The following SAMD12 variants were observed in gnomAD, a reference collection of about 807,000 sequenced individuals.
SAMD12 encodes the protein sterile alpha motif domain-containing protein 12.
Under a neutral mutation model 15.0 loss-of-function variants are expected in SAMD12, and 9 were observed. The observed-to-expected ratio is 0.60, with a 90% confidence interval of 0.36 to 1.05. The LOEUF (loss-of-function observed/expected upper bound fraction) is 1.05. Ranked by LOEUF, SAMD12 falls within the 50% of genes least tolerant of loss-of-function variation. The pLI, the probability that SAMD12 is intolerant of heterozygous loss-of-function variation, is 0.01. For synonymous variants in SAMD12, 86 were observed against 90.1 expected (o/e 0.96, Z 0.25); for missense variants, 230 against 234.2 (o/e 0.98, Z 0.12).
chr8:118,241,029 C>T (rs576493822), intron 4 of SAMD12, among the ~76,000 whole-genome samples: 1 of 152,290 alleles, frequency 6.6e-6, no homozygotes, highest in Admixed American at 6.5e-5. Flanking sequence ...CAAACAACCA[C>T]CTGACCCCCA....
At chr8:118,273,728 T>C (rs1469089862) in intron 4 of SAMD12, among the ~76,000 whole-genome samples, 2 of 152,118 alleles carry the variant, frequency 1.3e-5, no homozygotes, top group Non-Finnish European at 2.9e-5. Context: ...CCAGTGAACA[T>C]TCTGAACCCC....
intron 2 of SAMD12, among the ~76,000 whole-genome samples, chr8:118,450,285 T>C (rs1823039759): frequency 6.6e-6 from 1 of 152,130 alleles, no homozygotes; most frequent in African/African-American, 2.4e-5. Context: ...AAACAAGACG[T>C]CCTGGCAGCC....
At chr8:118,384,095 A>G (rs1489566263) in intron 3 of SAMD12, among the ~76,000 whole-genome samples, 1 of 152,176 alleles carries the variant, frequency 6.6e-6, no homozygotes, top group Non-Finnish European at 1.5e-5. Context: ...TGAAGGGGTG[A>G]GGCTGGAACC....
chr8:118,320,816 T>G (rs1563761108), intron 4 of SAMD12, among the ~76,000 whole-genome samples: 8 of 146,676 alleles, frequency 5.5e-5, no homozygotes, highest in Non-Finnish European at 1.2e-4. Context: ...TAAAGTATAA[T>G]AAAAATATAT....
intron 4 of SAMD12, among the ~76,000 whole-genome samples, chr8:118,198,117 C>T (rs1412380103): frequency 6.6e-6 from 1 of 152,054 alleles, no homozygotes; most frequent in African/African-American, 2.4e-5. Context: ...TGGTGTGAAG[C>T]ATTTTATTGT....
At chr8:118,611,018 A>T (rs1379980247) in intron 1 of SAMD12, among the ~76,000 whole-genome samples, 1 of 152,230 alleles carries the variant, frequency 6.6e-6, no homozygotes, top group African/African-American at 2.4e-5. Flanking sequence ...GGAAGTAGGA[A>T]TATGGATGTT....
intron 3 of SAMD12, among the ~76,000 whole-genome samples, chr8:118,387,938 T>C (rs1170201800): frequency 2.6e-5 from 4 of 152,112 alleles, no homozygotes; most frequent in African/African-American, 7.2e-5. Flanking sequence ...AACAGATTCA[T>C]AGACTGTATG....
At chr8:118,319,822 T>C (rs1816139502) in intron 4 of SAMD12, among the ~76,000 whole-genome samples, 1 of 152,124 alleles carries the variant, frequency 6.6e-6, no homozygotes, top group South Asian at 2.1e-4. Context: ...TGAGATAATA[T>C]ATAAGTTTAA....
chr8:118,454,461 G>A (rs758735075), intron 2 of SAMD12, among the ~76,000 whole-genome samples: 1 of 152,138 alleles, frequency 6.6e-6, no homozygotes, highest in Non-Finnish European at 1.5e-5. Context: ...GTAGTCAGTA[G>A]TCCCTTTCAA....
At chr8:118,400,360 A>G (rs564302561) in intron 3 of SAMD12, 2 of 152,336 alleles carry the variant, frequency 1.3e-5, no homozygotes, top group South Asian at 4.1e-4. Context: ...CAAATCTAGG[A>G]CCACCAGATT....
intron 3 of SAMD12, among the ~76,000 whole-genome samples, chr8:118,426,115 T>A (rs868298513): frequency 2.0e-5 from 3 of 152,348 alleles, no homozygotes; most frequent in Middle Eastern, 3.4e-3. Context: ...CTTGGCACAG[T>A]GTTTGGCTCA....
At chr8:118,603,482 G>A (rs543830069) in intron 1 of SAMD12, among the ~76,000 whole-genome samples, 3 of 152,216 alleles carry the variant, frequency 2.0e-5, no homozygotes, top group South Asian at 2.1e-4. Flanking sequence ...AAAATTGTGG[G>A]GAAAGATACT....
intron 4 of SAMD12, among the ~76,000 whole-genome samples, chr8:118,352,134 T>A (rs1027980353): frequency 6.6e-6 from 1 of 152,228 alleles, no homozygotes; most frequent in Non-Finnish European, 1.5e-5. Flanking sequence ...CTTAGTATTA[T>A]TAATGTCTGC....
chr8:118,221,798 C>G (rs114275707), intron 4 of SAMD12, among the ~76,000 whole-genome samples: 1 of 152,182 alleles, frequency 6.6e-6, no homozygotes, highest in African/African-American at 2.4e-5. Flanking sequence ...GCTTGCCTTG[C>G]GGCAATTGTC....
At chr8:118,483,357 C>A (rs1824184049) in intron 2 of SAMD12, among the ~76,000 whole-genome samples, 1 of 151,998 alleles carries the variant, frequency 6.6e-6, no homozygotes, top group Non-Finnish European at 1.5e-5. Context: ...ATTTGTACAC[C>A]AAAAAAGACT....
At chr8:118,167,803 T>C in the SAMD12 span, among the ~76,000 whole-genome samples, 3 of 152,264 alleles carry the variant, frequency 2.0e-5, no homozygotes, top group East Asian at 5.8e-4. Flanking sequence ...CACAGTTCTC[T>C]ATGGTGAGCA....
intron 2 of SAMD12, among the ~76,000 whole-genome samples, chr8:118,505,532 C>G (rs891332823): frequency 1.3e-5 from 2 of 152,040 alleles, no homozygotes; most frequent in African/African-American, 4.8e-5. Context: ...TCTCACCCCT[C>G]TCTTCTGACT....
At chr8:118,275,484 A>G (rs1325499559) in intron 4 of SAMD12, among the ~76,000 whole-genome samples, 2 of 152,204 alleles carry the variant, frequency 1.3e-5, no homozygotes, top group Admixed American at 1.3e-4. Context: ...TATCTAAAAT[A>G]ATTTACATGC....
intron 3 of SAMD12, among the ~76,000 whole-genome samples, chr8:118,438,258 T>A (rs939281115): frequency 2.6e-5 from 4 of 152,168 alleles, no homozygotes; most frequent in African/African-American, 9.7e-5. Flanking sequence ...ATTTTTATAT[T>A]TAAGATAGAA....
Sources: gnomAD v4.1 joint callset for allele counts (sites outside exome capture counted in the v4.1 genomes callset) on GRCh38, gnomAD v4.1.1 for gene constraint, MANE v1.5 for transcripts, NCBI Gene and HGNC (gene_info 2026-07-23, HGNC 2026-07-21) for gene names.